CCDC192: variants seen among roughly 807,000 people sequenced by gnomAD.
The protein encoded by CCDC192 is coiled-coil domain-containing protein 192.
At chr5:127,866,104 A>G (rs945584353) in intron 5 of CCDC192, among the ~76,000 whole-genome samples, 6 of 152,144 alleles carry the variant, frequency 3.9e-5, no homozygotes, top group African/African-American at 1.4e-4. Flanking sequence ...TGTTCTCAGC[A>G]TGTGCAGACC....
intron 6 of CCDC192, among the ~76,000 whole-genome samples, chr5:127,907,137 C>T (rs1416871813): frequency 2.0e-5 from 3 of 151,956 alleles, no homozygotes; most frequent in Non-Finnish European, 4.4e-5. Flanking sequence ...AAAAGCTCTA[C>T]CACTACCTTG....
chr5:127,891,012 C>G (rs1326786185), intron 6 of CCDC192, among the ~76,000 whole-genome samples: 1 of 152,194 alleles, frequency 6.6e-6, no homozygotes, highest in Non-Finnish European at 1.5e-5. Flanking sequence ...CTTCAAACTT[C>G]TCTCTTCATC....
At chr5:127,907,766 T>C (rs371410595) in intron 6 of CCDC192, among the ~76,000 whole-genome samples, 4 of 152,320 alleles carry the variant, frequency 2.6e-5, no homozygotes, top group African/African-American at 9.6e-5. Flanking sequence ...AAAAATTAAG[T>C]CATCAAAAAT....
At chr5:127,877,327 T>A (rs1487738828) in intron 6 of CCDC192, among the ~76,000 whole-genome samples, 1 of 146,574 alleles carries the variant, frequency 6.8e-6, no homozygotes, top group Non-Finnish European at 1.5e-5. Context: ...TACCCTTTTT[T>A]TGCCCATTAT....
In CCDC192 at chr5:127,914,349, C is replaced by T. The variant is rs1262118906; in HGVS notation, c.536-26833C>T. ...GGCCAAATATGTTTCAGAATGTGGACTTTTTAAGATGTGAAAAGTAACCCA... is the reference window on the plus strand; with the variant it reads ...GGCCAAATATGTTTCAGAATGTGGATTTTTTAAGATGTGAAAAGTAACCCA... On this transcript the variant is annotated intron_variant, in intron 6 of 6. Transcript: ENST00000514853. Among the ~76,000 whole-genome samples, 3 of 152,084 alleles carry T rather than the reference C, an allele frequency of 2.0e-5. No homozygotes were observed. In the East Asian group the frequency reaches 5.8e-4, roughly 29 times the overall value.
chr5:127,923,118 G>A (rs751399542), intron 6 of CCDC192, among the ~76,000 whole-genome samples: 1 of 152,160 alleles, frequency 6.6e-6, no homozygotes, highest in Non-Finnish European at 1.5e-5. Flanking sequence ...TATCTCTGGA[G>A]CCAATACATT....
chr5:127,725,624 T>G (rs2126806694), intron 2 of CCDC192, among the ~76,000 whole-genome samples: 1 of 152,306 alleles, frequency 6.6e-6, no homozygotes, highest in East Asian at 1.9e-4. Flanking sequence ...CTAACCATAT[T>G]TTAAGTACCT....
chr5:127,849,526 G>A (rs1055482215), intron 5 of CCDC192, among the ~76,000 whole-genome samples: 3 of 152,118 alleles, frequency 2.0e-5, no homozygotes, highest in African/African-American at 7.2e-5. Flanking sequence ...GAGTGATTTC[G>A]TCGGCCCTGA....
At chr5:127,905,928 AGT>A (rs1251133006) in intron 6 of CCDC192, among the ~76,000 whole-genome samples, 1 of 152,222 alleles carries the variant, frequency 6.6e-6, no homozygotes, top group African/African-American at 2.4e-5. Context: ...GGGAAATCTA[AGT>A]GCAGGTAGAA....
chr5:127,936,741 C>T (rs1182175096), intron 6 of CCDC192, among the ~76,000 whole-genome samples: 1 of 152,190 alleles, frequency 6.6e-6, no homozygotes, highest in African/African-American at 2.4e-5. Flanking sequence ...TTCCTGGATC[C>T]TGTGGGTGTG....
At chr5:127,927,292 T>A (rs547852261) in intron 6 of CCDC192, among the ~76,000 whole-genome samples, 1 of 152,322 alleles carries the variant, frequency 6.6e-6, no homozygotes, top group African/African-American at 2.4e-5. Flanking sequence ...TCTATTTTAC[T>A]ATTAGTTATT....
chr5:127,790,194 C>T (rs934384359), intron 3 of CCDC192, among the ~76,000 whole-genome samples: 7 of 152,104 alleles, frequency 4.6e-5, no homozygotes, highest in Admixed American at 6.6e-5. Context: ...TGGAATTTGC[C>T]GTGATAGGTT....
chr5:127,795,200 G>A (rs1053536513), intron 3 of CCDC192, among the ~76,000 whole-genome samples: 1 of 150,982 alleles, frequency 6.6e-6, no homozygotes, highest in Admixed American at 6.6e-5. Context: ...TGAGGTGGGA[G>A]GACCCCTTAA....
intron 5 of CCDC192, among the ~76,000 whole-genome samples, chr5:127,856,130 T>G (rs115798723): frequency 0.013 from 1,971 of 152,340 alleles, 48 homozygotes; most frequent in African/African-American, 0.045. Flanking sequence ...TTGTCACCAT[T>G]GAAAATCTGT....
At chr5:127,799,503 A>G (rs376082178) in intron 5 of CCDC192, among the ~76,000 whole-genome samples, 238 of 152,240 alleles carry the variant, frequency 1.6e-3, no homozygotes, top group African/African-American at 5.5e-3. Context: ...GATAATGACT[A>G]TTGTCAGAGG....
At chr5:127,852,118 AC>A (rs1307673326) in intron 5 of CCDC192, among the ~76,000 whole-genome samples, 13 of 152,224 alleles carry the variant, frequency 8.5e-5, no homozygotes, top group Non-Finnish European at 2.9e-5. Flanking sequence ...CACGATACCA[AC>A]CCCAGAGAGC....
At chr5:127,921,082 G>T (rs1251949885) in intron 6 of CCDC192, among the ~76,000 whole-genome samples, 2 of 127,772 alleles carry the variant, frequency 1.6e-5, no homozygotes, top group African/African-American at 7.6e-5. Flanking sequence ...AAGGAGGAAA[G>T]GAAAAGAAAG....
intron 3 of CCDC192, chr5:127,786,434 A>G (rs1356225944): frequency 1.6e-6 from 1 of 626,312 alleles, no homozygotes; most frequent in Non-Finnish European, 3.0e-6. Flanking sequence ...ATTCCATGTA[A>G]CACTGTACAA....
At chr5:127,913,225 C>T (rs1753426203) in intron 6 of CCDC192, among the ~76,000 whole-genome samples, 1 of 152,150 alleles carries the variant, frequency 6.6e-6, no homozygotes, top group Non-Finnish European at 1.5e-5. Flanking sequence ...CAGAGAAGCT[C>T]CAGGAACACA....
Sources: allele counts gnomAD v4.1 joint callset (sites outside exome capture counted in the v4.1 genomes callset), GRCh38; gene constraint gnomAD v4.1.1; transcripts MANE v1.5; gene names NCBI Gene and HGNC (gene_info 2026-07-23, HGNC 2026-07-21).